CERS6: variants seen among roughly 807,000 people sequenced by gnomAD.
The protein encoded by CERS6 is ceramide synthase 6, also known as LAG1 homolog, ceramide synthase 6.
CERS6 carries 26 observed loss-of-function variants against 56.8 expected under a neutral mutation model. The observed-to-expected ratio is 0.46, with a 90% CI of 0.34 to 0.63. The LOEUF (loss-of-function observed/expected upper bound fraction) is 0.63, where lower values mean the gene tolerates loss of function less well. Ranked by LOEUF, CERS6 falls within the 30% of genes least tolerant of loss-of-function variation. CERS6 has a pLI of 0.01. For missense variants in CERS6, 415 were observed against 467.5 expected (o/e 0.89, Z 1.04); for synonymous variants, 164 against 173.3 (o/e 0.95, Z 0.42).
intron 3 of CERS6, among the ~76,000 whole-genome samples, chr2:168,566,664 A>G (rs1305854206): frequency 6.6e-6 from 1 of 152,184 alleles, no homozygotes; most frequent in African/African-American, 2.4e-5. Flanking sequence ...AATTGATGAC[A>G]GGGGAAGGGA....
At chr2:168,718,409 C>G (rs1364568682) in intron 8 of CERS6, among the ~76,000 whole-genome samples, 2 of 152,222 alleles carry the variant, frequency 1.3e-5, no homozygotes, top group African/African-American at 4.8e-5. Context: ...AATGCACATT[C>G]TTGGCCCCAC....
At chr2:168,650,824 A>G (rs1211447124) in intron 4 of CERS6, among the ~76,000 whole-genome samples, 1 of 152,168 alleles carries the variant, frequency 6.6e-6, no homozygotes, top group South Asian at 2.1e-4. Context: ...TCCTACTGTC[A>G]TACAATATTG....
At chr2:168,739,860 T>G (rs892902773) in intron 8 of CERS6, among the ~76,000 whole-genome samples, 1 of 152,032 alleles carries the variant, frequency 6.6e-6, no homozygotes, top group African/African-American at 2.4e-5. Flanking sequence ...TAGCTGGGAT[T>G]ACAGGCGCAC....
At chr2:168,523,658 G>A (rs1695022614) in intron 1 of CERS6, among the ~76,000 whole-genome samples, 1 of 152,096 alleles carries the variant, frequency 6.6e-6, no homozygotes, top group Admixed American at 6.5e-5. Context: ...TAACTACAGT[G>A]TCAAGCAGGT....
intron 6 of CERS6, among the ~76,000 whole-genome samples, chr2:168,697,203 A>T (rs1247935975): frequency 1.3e-5 from 2 of 152,166 alleles, no homozygotes; most frequent in African/African-American, 4.8e-5. Flanking sequence ...TATGGTATAT[A>T]TCAGCTGATT....
At chr2:168,718,878 C>T (rs1687292415) in intron 8 of CERS6, among the ~76,000 whole-genome samples, 1 of 152,166 alleles carries the variant, frequency 6.6e-6, no homozygotes, top group Non-Finnish European at 1.5e-5. Flanking sequence ...TGAGTCACTC[C>T]CTGCACAGGT....
At chr2:168,496,977 C>T (rs376117100) in intron 1 of CERS6, among the ~76,000 whole-genome samples, 5 of 152,162 alleles carry the variant, frequency 3.3e-5, no homozygotes, top group African/African-American at 1.2e-4. Flanking sequence ...CATCAATATA[C>T]CTGTCTCTAA....
At chr2:168,494,762 G>T (rs1558971129) in intron 1 of CERS6, among the ~76,000 whole-genome samples, 1 of 152,166 alleles carries the variant, frequency 6.6e-6, no homozygotes, top group African/African-American at 2.4e-5. Flanking sequence ...TTTGTTAAAA[G>T]CATGGAATAT....
chr2:168,468,930 C>G (rs1347635164), intron 1 of CERS6, among the ~76,000 whole-genome samples: 1 of 152,142 alleles, frequency 6.6e-6, no homozygotes, highest in African/African-American at 2.4e-5. Flanking sequence ...AATATTTAGA[C>G]AGCTCAGAAA....
At chr2:168,464,637 G>A (rs1028527900) in intron 1 of CERS6, among the ~76,000 whole-genome samples, 1 of 149,810 alleles carries the variant, frequency 6.7e-6, no homozygotes, top group Non-Finnish European at 1.5e-5. Flanking sequence ...GGGCTGGGAG[G>A]AAGACTGAGG....
intron 8 of CERS6, among the ~76,000 whole-genome samples, chr2:168,725,113 A>G (rs1683308800): frequency 6.6e-6 from 1 of 152,220 alleles, no homozygotes; most frequent in Non-Finnish European, 1.5e-5. Context: ...TGGGAGACCC[A>G]GTACACCCTC....
intron 4 of CERS6, among the ~76,000 whole-genome samples, chr2:168,641,572 T>C (rs2105306802): frequency 6.6e-6 from 1 of 152,320 alleles, no homozygotes; most frequent in African/African-American, 2.4e-5. Context: ...AGGTTCTTTG[T>C]GGATCCCCTC....
At chr2:168,613,036 G>A (rs1454717307) in intron 3 of CERS6, among the ~76,000 whole-genome samples, 1 of 152,270 alleles carries the variant, frequency 6.6e-6, no homozygotes, top group East Asian at 1.9e-4. Flanking sequence ...ATGGAGCAAA[G>A]GAAGTAAATG....
At chr2:168,566,382 T>C (rs1695883500) in intron 3 of CERS6, among the ~76,000 whole-genome samples, 1 of 152,218 alleles carries the variant, frequency 6.6e-6, no homozygotes, top group South Asian at 2.1e-4. Flanking sequence ...CCCCCAATGC[T>C]GCCATATTTG....
At chr2:168,472,605 A>C (rs1240901051) in intron 1 of CERS6, among the ~76,000 whole-genome samples, 1 of 152,224 alleles carries the variant, frequency 6.6e-6, no homozygotes, top group Non-Finnish European at 1.5e-5. Flanking sequence ...AGGAATGGGA[A>C]GAGGATGTCA....
At chr2:168,567,574 T>C (rs1695905702) in intron 3 of CERS6, among the ~76,000 whole-genome samples, 1 of 152,236 alleles carries the variant, frequency 6.6e-6, no homozygotes, top group Non-Finnish European at 1.5e-5. Flanking sequence ...ATAAAAGCTA[T>C]TCTTAACCCA....
chr2:168,758,001 C>T (rs1684464653), intron 8 of CERS6, among the ~76,000 whole-genome samples: 1 of 152,158 alleles, frequency 6.6e-6, no homozygotes, highest in Non-Finnish European at 1.5e-5. Flanking sequence ...ACCAGCACAA[C>T]GAGGGTTGCT....
chr2:168,470,500 G>A (rs560857610), intron 1 of CERS6, among the ~76,000 whole-genome samples: 28 of 152,274 alleles, frequency 1.8e-4, no homozygotes, highest in Middle Eastern at 3.4e-3. Flanking sequence ...CATTAAGTGT[G>A]GGTTGGAGCT....
At chr2:168,496,426 G>C (rs1426832072) in intron 1 of CERS6, among the ~76,000 whole-genome samples, 14 of 151,906 alleles carry the variant, frequency 9.2e-5, no homozygotes, top group African/African-American at 3.4e-4. Flanking sequence ...CTTATACTTA[G>C]ATATAAGCGG....
Sources: allele counts gnomAD v4.1 joint callset (sites outside exome capture counted in the v4.1 genomes callset), GRCh38; gene constraint gnomAD v4.1.1; transcripts MANE v1.5; gene names NCBI Gene and HGNC (gene_info 2026-07-23, HGNC 2026-07-21).